NOL8: variants seen among roughly 807,000 people sequenced by gnomAD.
The protein encoded by NOL8 is nucleolar protein 8.
In NOL8, 93 loss-of-function variants were observed where a neutral mutation model predicts 116.1. That is an observed-to-expected ratio of 0.80 (90% CI 0.68 to 0.95). The LOEUF (loss-of-function observed/expected upper bound fraction) is 0.95. NOL8 is among the 40% of genes least tolerant of loss of function. The probability of loss-of-function intolerance (pLI) is 0.00; values close to 1 mark genes in which losing one functional copy is unlikely to be tolerated. For missense variants in NOL8, 1,291 were observed against 1,382.8 expected (o/e 0.93, Z 1.05); for synonymous variants, 419 against 469.0 (o/e 0.89, Z 1.38).
At chr9:92,306,365 T>A (rs897583262) in intron 11 of NOL8, among the ~76,000 whole-genome samples, 2 of 152,206 alleles carry the variant, frequency 1.3e-5, no homozygotes, top group African/African-American at 2.4e-5. Flanking sequence ...ATTTTAAACA[T>A]ACTAAAATAC....
intron 13 of NOL8, chr9:92,300,600 CT>C (rs1442572391): frequency 1.0e-6 from 1 of 996,110 alleles, no homozygotes; most frequent in Non-Finnish European, 1.2e-6. Context: ...ACGTTTTGCT[CT>C]CAAAGTTAGA....
chr9:92,300,563 T>C (rs1837645292), intron 13 of NOL8: 2 of 996,796 alleles, frequency 2.0e-6, no homozygotes, highest in Non-Finnish European at 2.4e-6. Context: ...CTGATGTCTT[T>C]AGGACTCGTT....
intron 6 of NOL8, 107 bp from the exon 7 acceptor site, chr9:92,316,245 T>A (rs112335150): frequency 5.7e-6 from 7 of 1,227,504 alleles, no homozygotes; most frequent in African/African-American, 4.6e-5. Flanking sequence ...TTCCCCCCCC[T>A]TTCAGTTTCC....
chr9:92,303,991 T>A (rs1837993461), intron 12 of NOL8, among the ~76,000 whole-genome samples: 1 of 152,214 alleles, frequency 6.6e-6, no homozygotes, highest in Admixed American at 6.5e-5. Flanking sequence ...GATTCACAGA[T>A]AACTTATGAA....
At position 92,324,480 on chromosome 9, in the gene NOL8, C is replaced by T. The variant is rs116623783; in HGVS notation, c.-48-271G>A. ...ATGGCCATAATATTACACTCTATCC[C>T]TCTTAATTTTATGTATTCATGTTTT... is the stretch of plus-strand genomic sequence containing the variant. On this transcript the variant is annotated intron_variant, in intron 1 of 16. Coordinates refer to ENST00000442668, the MANE Select transcript of NOL8 (RefSeq NM_017948.6). 6.1e-3 allele frequency: 1,247 copies of T among 204,958 alleles called. 19 individuals are homozygous for T. Among genetic ancestry groups the T allele is most frequent in the African/African-American group, 0.026 (1,151 of 43,690 alleles). 12.7% of individuals were successfully genotyped at this position (204,958 alleles called of 1,614,324 possible).
intron 1 of NOL8, 169 bp downstream of exon 1, chr9:92,325,137 C>G (rs946052629): frequency 1.3e-5 from 2 of 152,190 alleles, no homozygotes; most frequent in East Asian, 1.9e-4. Flanking sequence ...TCCCAACCAG[C>G]GTCCACCACA....
chr9:92,321,352 A>G (rs189933861), intron 4 of NOL8, among the ~76,000 whole-genome samples: 8 of 152,294 alleles, frequency 5.3e-5, no homozygotes, highest in Admixed American at 4.6e-4. Flanking sequence ...ATAAAGGGAG[A>G]AGATCTACAT....
At chr9:92,319,428 G>A (rs1839732003) in intron 4 of NOL8, 72 bp from the exon 5 acceptor site, 3 of 1,431,624 alleles carry the variant, frequency 2.1e-6, no homozygotes, top group Non-Finnish European at 2.7e-6. Context: ...TTCACTTTAG[G>A]TGTGCCTAAA....
At chr9:92,307,939 T>G (rs1341879933) in intron 10 of NOL8, among the ~76,000 whole-genome samples, 1 of 152,330 alleles carries the variant, frequency 6.6e-6, no homozygotes, top group East Asian at 1.9e-4. Flanking sequence ...TGCATTAGGT[T>G]GAAACTGCTA....
intron 12 of NOL8, among the ~76,000 whole-genome samples, chr9:92,303,376 A>G (rs1197701307): frequency 6.6e-6 from 1 of 152,218 alleles, no homozygotes; most frequent in African/African-American, 2.4e-5. Context: ...ATAGGGGGAA[A>G]AACAAACATC....
intron 7 of NOL8, among the ~76,000 whole-genome samples, chr9:92,312,445 G>GA (rs1838884356): frequency 1.7e-5 from 1 of 59,156 alleles, no homozygotes; most frequent in African/African-American, 1.2e-4. Flanking sequence ...GTGAGACCCT[G>GA]TAAAAAAAAA....
intron 7 of NOL8, among the ~76,000 whole-genome samples, chr9:92,313,083 T>C (rs1325742037): frequency 6.6e-6 from 1 of 151,834 alleles, no homozygotes; most frequent in East Asian, 1.9e-4. Context: ...CTGCCCTTTT[T>C]CCTTATCTAG....
intron 16 of NOL8, 49 bp from the exon 17 acceptor site, chr9:92,297,935 A>T: frequency 6.9e-7 from 1 of 1,452,032 alleles, no homozygotes; most frequent in Non-Finnish European, 9.4e-7. Flanking sequence ...TGTTTTTAAG[A>T]TGTTCAGTAG....
Position 92,301,759 on chromosome 9 carries a change from CA to C in NOL8, c.2966del (p.Met989SerfsTer9), listed in dbSNP as rs1311543880. ...AEKLPEVSKE[M>X]YYNIAMDLKE... is the part of the protein sequence containing the mutation. ...TCAGATCCATAGCAATATTATAATACATTTCTTTAGACACCTCAGGTAGTTT... is the reference window on the plus strand; with the variant it reads ...TCAGATCCATAGCAATATTATAATACTTTCTTTAGACACCTCAGGTAGTTT... On this transcript the variant is annotated frameshift_variant, in exon 13 of 17. Transcript: ENST00000442668. LOFTEE classifies it high-confidence loss of function. 1.9e-6 allele frequency: 3 copies of C among 1,601,548 alleles called. No individual in the cohort carries two copies. The highest frequency in any genetic ancestry group is 2.6e-6 in the Non-Finnish European group (3 of 1,174,692).
Position 92,314,807 on chromosome 9 carries a change from C to G in NOL8, c.1818G>C (p.Glu606Asp), listed in dbSNP as rs1489739976. ...CTTCCATGGATATGATACTGGGATC[C>G]TCATGTTTCATGGAATTCTGATCTT... ...NNKDQNSMKH[E>D]DPSIISMEDG... is the part of the protein sequence containing the mutation. Residue 606 changes from glutamate (E) to aspartate (D), a missense_variant, in exon 7 of 17, where the codon GAG (glutamate) becomes GAC (aspartate). Transcript: ENST00000442668. 7.4e-6 allele frequency: 12 copies of G among 1,613,490 alleles called. No homozygotes were observed. In the South Asian group the frequency reaches 8.8e-5, roughly 12 times the overall value.
rs1839644326 is a variant in NOL8, at chr9:92,318,667, A to G, written c.437T>C (p.Phe146Ser). The change falls in exon 6 of 17, where the codon TTT (phenylalanine) becomes TCT (serine). Residue 146 changes from phenylalanine (F) to serine (S), a missense_variant. Physicochemically the swap from Phe to Ser is radical, Grantham distance 155. Transcript: ENST00000442668. ...GTGAAGAACAGGTAAGACTCTTCCA[A>G]ATTTGCTCACAACCCAATTCTAAAA... is the stretch of plus-strand genomic sequence containing the variant. ...PGHKNWVVSK[F>S]GRVLPVLHLK... 1 of 1,599,080 alleles carries G rather than the reference A, an allele frequency of 6.3e-7. No individual in the cohort carries two copies. The highest frequency in any genetic ancestry group is 8.5e-7 in the Non-Finnish European group (1 of 1,175,720).
intron 2 of NOL8, 134 bp downstream of exon 2, chr9:92,323,889 A>T: frequency 2.1e-6 from 2 of 943,358 alleles, no homozygotes; most frequent in Non-Finnish European, 3.1e-6. Context: ...TCCACATCAC[A>T]CATTATACCT....
Position 92,315,281 on chromosome 9 carries a change from T to C in NOL8, c.1344A>G (p.Lys448=), listed in dbSNP as rs1374186952. 1.2e-6 allele frequency: 2 copies of C among 1,614,012 alleles called. No homozygotes were observed. Among genetic ancestry groups the C allele is most frequent in the Non-Finnish European group, 1.7e-6 (2 of 1,179,878 alleles). ...LSHGLKSLNR[K]SPSHSSSSED... is the part of the protein sequence containing the mutation. The stretch of plus-strand genomic sequence containing the variant: ...CACTGCTACTGGAGTGAGAGGGAGA[T>C]TTACGATTAAGAGACTTTAATCCAT... The change falls in exon 7 of 17, where the codon AAA becomes AAG. Residue 448 remains lysine, a synonymous_variant. Transcript: ENST00000442668.
At chr9:92,309,880 T>A (rs560458849) in intron 10 of NOL8, among the ~76,000 whole-genome samples, 1 of 152,324 alleles carries the variant, frequency 6.6e-6, no homozygotes, top group East Asian at 1.9e-4. Context: ...GCTGATCCAC[T>A]GCCAGGTAGG....
Sources: allele counts gnomAD v4.1 joint callset (sites outside exome capture counted in the v4.1 genomes callset), GRCh38; gene constraint gnomAD v4.1.1; transcripts MANE v1.5; gene names NCBI Gene and HGNC (gene_info 2026-07-23, HGNC 2026-07-21).